Variants in FRAS1 observed in about 807,000 individuals in gnomAD.
The protein encoded by FRAS1 is Fraser extracellular matrix complex subunit 1, also known as extracellular matrix organizing protein FRAS1.
A neutral mutation model predicts 435.2 loss-of-function variants in FRAS1; 290 were observed. That is an observed-to-expected ratio of 0.67 (90% CI 0.61 to 0.73). The LOEUF (loss-of-function observed/expected upper bound fraction) is 0.73. Among genes scored for constraint, FRAS1 ranks in the 30% least tolerant of loss-of-function variants. FRAS1 has a pLI of 0.00. For synonymous variants in FRAS1, 1,800 were observed against 1,851.0 expected, an observed-to-expected ratio of 0.97 and a Z score of 0.71; for missense variants, 4,860 against 5,001.5, an observed-to-expected ratio of 0.97 and a Z score of 0.85.
At chr4:78,440,225 G>A (rs1416934090) in intron 40 of FRAS1, among the ~76,000 whole-genome samples, 1 of 151,394 alleles carries the variant, frequency 6.6e-6, no homozygotes, top group Non-Finnish European at 1.5e-5. Flanking sequence ...GTAGAGACGG[G>A]GTTTCACCTT....
rs1731427648 is a variant in FRAS1, at chr4:78,369,876, A to T, written c.2761A>T (p.Ser921Cys). 6.2e-7 allele frequency: 1 copy of T among 1,613,334 alleles called. No individual in the cohort carries two copies. Among genetic ancestry groups the T allele is most frequent in the African/African-American group, 1.3e-5 (1 of 74,810 alleles). The change falls in exon 23 of 74, where the codon AGC (serine) becomes TGC (cysteine). Residue 921 changes from serine to cysteine, a missense_variant. Ser to Cys is a moderately radical substitution (Grantham distance 112). Transcript: ENST00000512123. Reference sequence around the variant, plus strand: ...CTGTGGAAGCTGTGATTCACAGGCCAGCTGTACCTCCTGCCGAGATCCAAA... The same window carrying T: ...CTGTGGAAGCTGTGATTCACAGGCCTGCTGTACCTCCTGCCGAGATCCAAA... The part of the protein sequence containing the change: ...THCGSCDSQA[S>C]CTSCRDPNKV...
intron 29 of FRAS1, among the ~76,000 whole-genome samples, chr4:78,392,644 G>A (rs982499620): frequency 1.3e-5 from 2 of 152,088 alleles, no homozygotes; most frequent in Admixed American, 6.5e-5. Context: ...TTAATTTAAA[G>A]CGCTGTTTTA....
intron 2 of FRAS1, among the ~76,000 whole-genome samples, chr4:78,196,873 A>G (rs1722834902): frequency 6.6e-6 from 1 of 152,328 alleles, no homozygotes; most frequent in Non-Finnish European, 1.5e-5. Flanking sequence ...AATGAGAATC[A>G]TGGGATTCCA....
At chr4:78,263,084 G>T (rs1313954161) in intron 6 of FRAS1, among the ~76,000 whole-genome samples, 1 of 152,202 alleles carries the variant, frequency 6.6e-6, no homozygotes. Context: ...AGAAGGGCAT[G>T]TATATGGTGG....
rs930289930 is a variant in FRAS1 at position 78,129,108 on chromosome 4, G to A, written c.108+63092G>A. ...CTGAGGGCTCTGTTCTATTCCATCGGTCTATATCTCTGTTTTGGTACCAGT... is the reference window on the plus strand; with the variant it reads ...CTGAGGGCTCTGTTCTATTCCATCGATCTATATCTCTGTTTTGGTACCAGT... On this transcript the variant is annotated intron_variant, in intron 2 of 73. Coordinates refer to ENST00000512123, the MANE Select transcript of FRAS1 (RefSeq NM_025074.7). Among the ~76,000 whole-genome samples the A allele has an allele frequency of 1.8e-4, 27 of 152,248 alleles. 1 individual carries two copies. The highest frequency in any genetic ancestry group is 1.3e-3 in the Admixed American group (20 of 15,296).
rs748242409 is a variant in FRAS1 at position 78,286,426 on chromosome 4, C to T, written c.1421C>T (p.Thr474Met). 6.2e-6 allele frequency: 10 copies of T among 1,613,590 alleles called. No individual in the cohort carries two copies. Among genetic ancestry groups the T allele is most frequent in the Admixed American group, 3.3e-5 (2 of 60,016 alleles). Reference sequence around the variant, plus strand: ...TCAGCCTGCCAGCCCCAGTGCTCCACGTGTACCAGTGGGCTGGAGTGCTCA... The same window carrying T: ...TCAGCCTGCCAGCCCCAGTGCTCCATGTGTACCAGTGGGCTGGAGTGCTCA... ...LCLACQPQCS[T>M]CTSGLECSSC... Residue 474 changes from threonine to methionine, a missense_variant, in exon 14 of 74, where the codon ACG (threonine) becomes ATG (methionine). Transcript: ENST00000512123.
chr4:78,492,357 A>G (rs1249978600), intron 59 of FRAS1, among the ~76,000 whole-genome samples: 1 of 152,216 alleles, frequency 6.6e-6, no homozygotes, highest in African/African-American at 2.4e-5. Flanking sequence ...AGCAAAAAGA[A>G]CAAAGCTGGG....
intron 14 of FRAS1, among the ~76,000 whole-genome samples, chr4:78,306,357 CGAG>C (rs1728717315): frequency 6.8e-6 from 1 of 147,818 alleles, no homozygotes; most frequent in African/African-American, 2.5e-5. Flanking sequence ...TTGCTCTTCT[CGAG>C]GAGTATCTTT....
At chr4:78,264,597 A>T (rs1726263432) in intron 6 of FRAS1, among the ~76,000 whole-genome samples, 1 of 152,216 alleles carries the variant, frequency 6.6e-6, no homozygotes, top group Admixed American at 6.5e-5. Context: ...GGTACTCAGA[A>T]GTCCTGCTGC....
rs1316194361 is a variant in FRAS1, at chr4:78,065,077, T to C, written c.77-908T>C. Among the ~76,000 whole-genome samples, 150 of 113,466 alleles carry C rather than the reference T, an allele frequency of 1.3e-3. 1 individual carries two copies. The East Asian group carries it at 0.028, about 21-fold the overall frequency. 74.4% of individuals were successfully genotyped at this position (113,466 alleles called of 152,430 possible). ...TATAGTGTATATATATATATATATATATATATACATACACACACACACACT... is the reference window on the plus strand; with the variant it reads ...TATAGTGTATATATATATATATATACATATATACATACACACACACACACT... On this transcript the variant is annotated intron_variant, in intron 1 of 73. Transcript: ENST00000512123.
At chr4:78,525,824 A>G (rs1190164336) in intron 69 of FRAS1, among the ~76,000 whole-genome samples, 1 of 152,206 alleles carries the variant, frequency 6.6e-6, no homozygotes, top group Non-Finnish European at 1.5e-5. Flanking sequence ...AGAGAGGTCC[A>G]AAGGCTTCCT....
chr4:78,163,252 A>G (rs879244821), intron 2 of FRAS1, among the ~76,000 whole-genome samples: 21 of 152,332 alleles, frequency 1.4e-4, no homozygotes, highest in Admixed American at 1.1e-3. Context: ...TTTTATGAGT[A>G]AATTTACATG....
Position 78,080,807 on chromosome 4 carries a change from C to CT in FRAS1, c.108+14792dup, listed in dbSNP as rs143901977. ...CTCATCTTCCATTTCTGTGGCAAGA[C>CT]TATTTTTGTTTCTCTTTTAAATCCT... On this transcript the variant is annotated intron_variant, in intron 2 of 73. Transcript: ENST00000512123. Among the ~76,000 whole-genome samples, 1,503 of 152,236 alleles carry CT rather than the reference C, an allele frequency of 9.9e-3. 26 individuals are homozygous for CT. The highest frequency in any genetic ancestry group is 0.035 in the African/African-American group (1,439 of 41,544).
chr4:78,200,058 A>G (rs1722982861), intron 2 of FRAS1, among the ~76,000 whole-genome samples: 1 of 152,214 alleles, frequency 6.6e-6, no homozygotes, highest in Non-Finnish European at 1.5e-5. Flanking sequence ...AGGTATAGGT[A>G]ATAACAACCA....
chr4:78,395,526 T>C (rs867360995), intron 29 of FRAS1, among the ~76,000 whole-genome samples: 12 of 152,176 alleles, frequency 7.9e-5, no homozygotes, highest in African/African-American at 2.6e-4. Context: ...ATTTGCTTGA[T>C]GTATCTAGGT....
At chr4:78,125,341 G>A (rs1039982097) in intron 2 of FRAS1, among the ~76,000 whole-genome samples, 3 of 152,206 alleles carry the variant, frequency 2.0e-5, no homozygotes, top group African/African-American at 7.2e-5. Context: ...TGATTGCACT[G>A]TGGTCTCAGA....
chr4:78,513,771 T>C (rs1721118598), intron 65 of FRAS1, among the ~76,000 whole-genome samples: 1 of 152,262 alleles, frequency 6.6e-6, no homozygotes, highest in African/African-American at 2.4e-5. Context: ...CAAATCCTTA[T>C]TCCACTGAAC....
intron 61 of FRAS1, among the ~76,000 whole-genome samples, chr4:78,502,103 C>T (rs1350744739): frequency 6.6e-6 from 1 of 152,182 alleles, no homozygotes; most frequent in East Asian, 1.9e-4. Context: ...CAGTACCATG[C>T]TGTTTTGGTT....
intron 59 of FRAS1, among the ~76,000 whole-genome samples, chr4:78,490,266 G>A (rs959500555): frequency 6.6e-6 from 1 of 152,024 alleles, no homozygotes; most frequent in Non-Finnish European, 1.5e-5. Context: ...AAATTAACAA[G>A]GTTATTTGGG....
Sources: gnomAD v4.1 joint callset for allele counts (sites outside exome capture counted in the v4.1 genomes callset) on GRCh38, gnomAD v4.1.1 for gene constraint, MANE v1.5 for transcripts, NCBI Gene and HGNC (gene_info 2026-07-23, HGNC 2026-07-21) for gene names.